BCAS4: variants seen among roughly 807,000 people sequenced by gnomAD.
BCAS4 encodes breast carcinoma amplified sequence 4.
A neutral mutation model predicts 15.7 loss-of-function variants in BCAS4; 9 were observed. The ratio of observed to expected loss-of-function variants is 0.57; its 90% CI spans 0.34 to 1.00. The LOEUF is 1.00. Among genes scored for constraint, BCAS4 ranks in the 50% least tolerant of loss-of-function variants. The pLI, the probability that BCAS4 is intolerant of heterozygous loss-of-function variation, is 0.02. For missense variants in BCAS4, 225 were observed against 239.1 expected (o/e 0.94, Z 0.39); for synonymous variants, 101 against 99.5 (o/e 1.02, Z -0.09).
intron 4 of BCAS4, among the ~76,000 whole-genome samples, chr20:50,843,769 A>G (rs73127473): frequency 0.027 from 4,054 of 152,332 alleles, 88 homozygotes; most frequent in Non-Finnish European, 0.04. Flanking sequence ...AAAGACAATG[A>G]AGTCATGAAC....
At chr20:50,867,063 A>G (rs1233744932) in intron 4 of BCAS4, among the ~76,000 whole-genome samples, 1 of 152,142 alleles carries the variant, frequency 6.6e-6, no homozygotes, top group Non-Finnish European at 1.5e-5. Context: ...ATAGAATTAG[A>G]GCGAAGTTGC....
intron 2 of BCAS4, among the ~76,000 whole-genome samples, chr20:50,829,373 G>T (rs1393686664): frequency 6.6e-6 from 1 of 152,110 alleles, no homozygotes; most frequent in Admixed American, 6.5e-5. Context: ...CTCCCGAGTA[G>T]CTGAGATTAG....
intron 4 of BCAS4, among the ~76,000 whole-genome samples, chr20:50,850,880 G>A (rs1489352692): frequency 6.6e-6 from 1 of 152,220 alleles, no homozygotes; most frequent in African/African-American, 2.4e-5. Context: ...CTTAGGGGGC[G>A]TGTCCAGGCA....
intron 3 of BCAS4, chr20:50,833,058 T>C (rs1022251206): frequency 4.6e-5 from 7 of 152,308 alleles, no homozygotes; most frequent in South Asian, 2.1e-4. Context: ...AGGTATGGGA[T>C]CTACAGGACC....
downstream of BCAS4, chr20:50,879,607 G>T (rs1469616366): frequency 3.3e-5 from 5 of 152,252 alleles, no homozygotes; most frequent in Non-Finnish European, 7.3e-5. Context: ...TCTGCTGAGT[G>T]TTGGGCACTC....
chr20:50,826,121 T>A (rs2088275461), intron 2 of BCAS4, among the ~76,000 whole-genome samples: 1 of 152,244 alleles, frequency 6.6e-6, no homozygotes, highest in African/African-American at 2.4e-5. Flanking sequence ...CCCGGTGCTC[T>A]GACCTTGCCC....
chr20:50,840,759 G>A (rs2088469200), intron 3 of BCAS4: 1 of 1,599,974 alleles, frequency 6.3e-7, no homozygotes, highest in African/African-American at 1.3e-5. Flanking sequence ...TGGTTACGGA[G>A]GAGAAGCGGA....
chr20:50,829,818 G>A (rs190928218), intron 2 of BCAS4, among the ~76,000 whole-genome samples: 4 of 152,090 alleles, frequency 2.6e-5, no homozygotes, highest in Admixed American at 6.6e-5. Flanking sequence ...CAGTGCCTGC[G>A]TGTCGGAAGC....
At chr20:50,816,199 T>C (rs142112340) in intron 1 of BCAS4, among the ~76,000 whole-genome samples, 2,766 of 152,154 alleles carry the variant, frequency 0.018, 91 homozygotes, top group African/African-American at 0.063. Flanking sequence ...TTAAATTTTG[T>C]ATTTTTAGTA....
At chr20:50,796,487 ATTT>A (rs34988437) in intron 1 of BCAS4, among the ~76,000 whole-genome samples, 5 of 6,758 alleles carry the variant, frequency 7.4e-4, no homozygotes, top group African/African-American at 9.8e-4. Flanking sequence ...ATATATATAT[ATTT>A]TTTTTTTTTT....
chr20:50,798,523 A>G (rs142763615), intron 1 of BCAS4, among the ~76,000 whole-genome samples: 2 of 152,124 alleles, frequency 1.3e-5, no homozygotes, highest in Non-Finnish European at 2.9e-5. Flanking sequence ...TTAATAAAAA[A>G]ATAAAAATAA....
intron 4 of BCAS4, among the ~76,000 whole-genome samples, chr20:50,842,217 A>T (rs908952038): frequency 6.6e-6 from 1 of 152,194 alleles, no homozygotes; most frequent in Non-Finnish European, 1.5e-5. Context: ...AGTGCCCAGG[A>T]TGACATCTAG....
Position 50,830,428 on chromosome 20 carries a change from T to C in BCAS4, c.264+48T>C, listed in dbSNP as rs748869725. ...TCTGAGGCTGTGGACTTGATCTTGC[T>C]TTTGCCTTTTCCGCAAAGACGCCGA... On this transcript the variant is annotated intron_variant, in intron 3 of 4. Transcript: ENST00000371608. 74 of 1,519,396 alleles carry C rather than the reference T, an allele frequency of 4.9e-5. 1 individual carries two copies. The highest frequency in any genetic ancestry group is 3.0e-4 in the Admixed American group (16 of 53,058). The allele number at this position is 1,519,396 out of a possible 1,614,324, so 94.1% of individuals were successfully genotyped here.
chr20:50,856,229 G>A (rs1978755445), intron 4 of BCAS4, among the ~76,000 whole-genome samples: 2 of 152,212 alleles, frequency 1.3e-5, no homozygotes, highest in Non-Finnish European at 2.9e-5. Context: ...TGGAAAAGGT[G>A]CAATCCCTTT....
intron 1 of BCAS4, among the ~76,000 whole-genome samples, chr20:50,808,329 T>C (rs1171584564): frequency 6.6e-6 from 1 of 152,226 alleles, no homozygotes; most frequent in Non-Finnish European, 1.5e-5. Flanking sequence ...CTTCATATAA[T>C]GACTTCAAGA....
downstream of BCAS4, chr20:50,881,902 C>T (rs1980123418): frequency 1.3e-5 from 2 of 152,232 alleles, no homozygotes; most frequent in African/African-American, 2.4e-5. Flanking sequence ...CTCAAGTGAT[C>T]CACCTGCCTC....
At position 50,868,261 on chromosome 20, in the gene BCAS4, C is replaced by T. The variant is rs73615350; in HGVS notation, c.400-8225C>T. On this transcript the variant is annotated intron_variant, in intron 4 of 4. Coordinates refer to ENST00000371608, the MANE Select transcript of BCAS4 (RefSeq NM_198799.4). ...CAGTTTCTTTCCCCACTTTCCATAC[C>T]CTGCTCTTTGAAAGCAGGTCACTAA... Among the ~76,000 whole-genome samples, 54 of 152,262 alleles carry T rather than the reference C, an allele frequency of 3.5e-4. No individual in the cohort carries two copies. The East Asian group carries it at 6.4e-3, about 18-fold the overall frequency.
chr20:50,825,362 G>C (rs560337593), intron 2 of BCAS4, among the ~76,000 whole-genome samples: 1 of 152,292 alleles, frequency 6.6e-6, no homozygotes, highest in East Asian at 1.9e-4. Flanking sequence ...GATTACAGGT[G>C]TGAGCCACCG....
intron 3 of BCAS4, among the ~76,000 whole-genome samples, chr20:50,830,775 A>G (rs1353837710): frequency 6.6e-6 from 1 of 152,162 alleles, no homozygotes; most frequent in Non-Finnish European, 1.5e-5. Context: ...GCTTGAGTCC[A>G]GGAGGTCATG....
Sources: gnomAD v4.1 joint callset for allele counts (sites outside exome capture counted in the v4.1 genomes callset) on GRCh38, gnomAD v4.1.1 for gene constraint, MANE v1.5 for transcripts, NCBI Gene and HGNC (gene_info 2026-07-23, HGNC 2026-07-21) for gene names.